Variants in SLC16A10 observed in about 807,000 individuals in gnomAD.
The protein encoded by SLC16A10 is solute carrier family 16 member 10.
A neutral mutation model predicts 40.0 loss-of-function variants in SLC16A10; 27 were observed. The observed-to-expected ratio is 0.67, with a 90% confidence interval of 0.50 to 0.93. The LOEUF (loss-of-function observed/expected upper bound fraction) is 0.93. Among genes scored for constraint, SLC16A10 ranks in the 40% least tolerant of loss-of-function variants. The pLI is 0.00. For synonymous variants in SLC16A10, 213 were observed against 249.8 expected (o/e 0.85, Z 1.39); for missense variants, 529 against 658.2 (o/e 0.80, Z 2.15).
chr6:111,113,126 A>G (rs1771419808), intron 1 of SLC16A10, among the ~76,000 whole-genome samples: 1 of 152,242 alleles, frequency 6.6e-6, no homozygotes, highest in South Asian at 2.1e-4. Flanking sequence ...AACAAATTAA[A>G]TAATTTAGGA....
At chr6:111,110,644 T>C (rs1771368938) in intron 1 of SLC16A10, among the ~76,000 whole-genome samples, 1 of 152,062 alleles carries the variant, frequency 6.6e-6, no homozygotes, top group South Asian at 2.1e-4. Context: ...TGGAAGAGAA[T>C]GGCAAAAGTT....
At chr6:111,185,089 TTA>T (rs763049055) in intron 3 of SLC16A10, among the ~76,000 whole-genome samples, 5 of 152,270 alleles carry the variant, frequency 3.3e-5, no homozygotes, top group Non-Finnish European at 5.9e-5. Context: ...CAAGAATTGA[TTA>T]TGTGTCAAGC....
chr6:111,144,045 G>A (rs1273588076), intron 1 of SLC16A10, among the ~76,000 whole-genome samples: 2 of 152,000 alleles, frequency 1.3e-5, no homozygotes, highest in African/African-American at 4.8e-5. Context: ...ACTCTGGTGG[G>A]GGATGTTTAT....
At chr6:111,184,116 G>A (rs1057498473) in intron 3 of SLC16A10, among the ~76,000 whole-genome samples, 2 of 152,132 alleles carry the variant, frequency 1.3e-5, no homozygotes, top group Admixed American at 1.3e-4. Flanking sequence ...TGTAGTTTCA[G>A]TTACTCTCAT....
chr6:111,205,395 G>GA (rs1395656667), intron 3 of SLC16A10, among the ~76,000 whole-genome samples: 1 of 152,136 alleles, frequency 6.6e-6, no homozygotes, highest in Non-Finnish European at 1.5e-5. Context: ...AGGCATTATG[G>GA]AAAGGTCAAA....
At chr6:111,197,982 A>C (rs1236332492) in intron 3 of SLC16A10, among the ~76,000 whole-genome samples, 1 of 152,162 alleles carries the variant, frequency 6.6e-6, no homozygotes, top group Non-Finnish European at 1.5e-5. Context: ...CAAACATTCA[A>C]ACCATATCAG....
At position 111,172,754 on chromosome 6, in the gene SLC16A10, TTCACAGAC is replaced by T; in HGVS notation, c.404_411del (p.Phe135SerfsTer89). 1 of 1,614,204 alleles carries T rather than the reference TTCACAGAC, an allele frequency of 6.2e-7. No homozygotes were observed. Among genetic ancestry groups the T allele is most frequent in the Non-Finnish European group, 8.5e-7 (1 of 1,180,032 alleles). Reference sequence around the variant, plus strand: ...CTTTTGCTGCCCAATAGTCAGCGTCTTCACAGACCTATTTGGTTGTCGGAAAACAGCTG... The same window carrying T: ...CTTTTGCTGCCCAATAGTCAGCGTCTCTATTTGGTTGTCGGAAAACAGCTG... On this transcript the variant is annotated frameshift_variant, in exon 2 of 6. Transcript: ENST00000368851. LOFTEE classifies it high-confidence loss of function.
At chr6:111,104,135 A>T (rs1243494196) in intron 1 of SLC16A10, among the ~76,000 whole-genome samples, 5 of 152,186 alleles carry the variant, frequency 3.3e-5, no homozygotes, top group African/African-American at 1.2e-4. Context: ...AGAATGGTGG[A>T]GCTGGGGAAC....
Position 111,222,334 on chromosome 6 carries a change from C to T in SLC16A10, c.*99C>T. The T allele has an allele frequency of 1.4e-6, 2 of 1,424,764 alleles. No homozygotes were observed. The highest frequency in any genetic ancestry group is 1.8e-6 in the Non-Finnish European group (2 of 1,082,636). 88.3% of individuals were successfully genotyped at this position (1,424,764 alleles called of 1,614,324 possible). On this transcript the variant is annotated 3_prime_UTR_variant, in exon 6 of 6. Coordinates refer to ENST00000368851, the MANE Select transcript of SLC16A10 (RefSeq NM_018593.5). ...TGCAAATTTCATATTTTTTTAATCA[C>T]ATCCTAGGAATAGCACAATAATTGG...
intron 1 of SLC16A10, among the ~76,000 whole-genome samples, chr6:111,168,625 A>AG (rs1772523136): frequency 6.6e-6 from 1 of 152,358 alleles, no homozygotes; most frequent in South Asian, 2.1e-4. Context: ...AGTGTGCAAT[A>AG]GCAGGTGATA....
At chr6:111,097,451 A>G (rs148608041) in intron 1 of SLC16A10, among the ~76,000 whole-genome samples, 2,039 of 151,852 alleles carry the variant, frequency 0.013, no homozygotes, top group African/African-American at 0.047. Context: ...AGCTGGGACT[A>G]CAGGCACGCA....
At chr6:111,094,692 C>T (rs1480194638) in intron 1 of SLC16A10, among the ~76,000 whole-genome samples, 20 of 152,094 alleles carry the variant, frequency 1.3e-4, no homozygotes, top group Admixed American at 1.3e-3. Flanking sequence ...GGCTGGAGTG[C>T]AGTGGCATGA....
intron 1 of SLC16A10, among the ~76,000 whole-genome samples, chr6:111,139,956 A>G (rs1201954164): frequency 6.6e-6 from 1 of 152,186 alleles, no homozygotes; most frequent in Non-Finnish European, 1.5e-5. Context: ...GAGCTAAATG[A>G]TAAGAACTTA....
chr6:111,153,544 A>AT (rs199628681), intron 1 of SLC16A10, among the ~76,000 whole-genome samples: 2 of 151,914 alleles, frequency 1.3e-5, no homozygotes, highest in African/African-American at 4.8e-5. Flanking sequence ...AAAAAAAAAA[A>AT]ATTAAATTAA....
At chr6:111,112,487 G>A (rs1361891487) in intron 1 of SLC16A10, among the ~76,000 whole-genome samples, 1 of 152,208 alleles carries the variant, frequency 6.6e-6, no homozygotes, top group Non-Finnish European at 1.5e-5. Context: ...GGCTGTGTCT[G>A]TCTTGTTTAC....
chr6:111,207,846 G>C (rs372583458), intron 4 of SLC16A10, among the ~76,000 whole-genome samples: 7 of 152,164 alleles, frequency 4.6e-5, no homozygotes, highest in African/African-American at 1.7e-4. Flanking sequence ...GGATTGGTTG[G>C]GGGGATGGAC....
At chr6:111,217,924 A>T (rs187634203) in intron 4 of SLC16A10, among the ~76,000 whole-genome samples, 2 of 152,306 alleles carry the variant, frequency 1.3e-5, no homozygotes, top group East Asian at 3.9e-4. Flanking sequence ...GTAGGAACGA[A>T]ATCTTATTCA....
At chr6:111,121,625 T>G (rs1771585285) in intron 1 of SLC16A10, among the ~76,000 whole-genome samples, 1 of 152,226 alleles carries the variant, frequency 6.6e-6, no homozygotes, top group Admixed American at 6.5e-5. Context: ...TCTGTGTTAT[T>G]CTTCTATTTC....
intron 1 of SLC16A10, among the ~76,000 whole-genome samples, chr6:111,155,103 A>G (rs548205094): frequency 6.7e-6 from 1 of 149,960 alleles, no homozygotes; most frequent in African/African-American, 2.4e-5. Flanking sequence ...CATCTGGGTT[A>G]TGGATTCTAG....
Sources: allele counts gnomAD v4.1 joint callset (sites outside exome capture counted in the v4.1 genomes callset), GRCh38; gene constraint gnomAD v4.1.1; transcripts MANE v1.5; gene names NCBI Gene and HGNC (gene_info 2026-07-23, HGNC 2026-07-21).